CASD1: variants seen among roughly 807,000 people sequenced by gnomAD.
CASD1 encodes the protein N-acetylneuraminate (7)9-O-acetyltransferase.
In CASD1, 41 loss-of-function variants were observed where a neutral mutation model predicts 100.0. The ratio of observed to expected loss-of-function variants is 0.41; its 90% CI spans 0.32 to 0.53. The LOEUF (loss-of-function observed/expected upper bound fraction) is 0.53. CASD1 is among the 20% of genes least tolerant of loss of function. The pLI is 0.25. For missense variants in CASD1, 774 were observed against 948.7 expected (o/e 0.82, Z 2.42); for synonymous variants, 321 against 315.6 (o/e 1.02, Z -0.18).
Position 94,534,616 on chromosome 7 carries a change from A to G in CASD1, c.629-693A>G, listed in dbSNP as rs1397911620. Among the ~76,000 whole-genome samples, 74 of 152,180 alleles carry G rather than the reference A, an allele frequency of 4.9e-4. 2 individuals carry two copies. The highest frequency in any genetic ancestry group is 4.8e-3 in the Admixed American group (74 of 15,272). On this transcript the variant is annotated intron_variant, in intron 7 of 17. Coordinates refer to ENST00000297273, the MANE Select transcript of CASD1 (RefSeq NM_022900.5). ...CATTTTAGGAATTTATTGAATGTCC[A>G]TTATTTAATGCCTAGCACAATATGA...
Position 94,510,713 on chromosome 7 carries a change from C to T in CASD1, c.133+496C>T, listed in dbSNP as rs533795681. Among the ~76,000 whole-genome samples the T allele has an allele frequency of 1.0e-4, 16 of 152,384 alleles. No homozygotes were observed. In the South Asian group the frequency reaches 1.2e-3, roughly 12 times the overall value. Reference sequence around the variant, plus strand: ...GCCTTTGTTTAATTTTGCCTCTGCCCTGTAACACCCAGTCTGGGCTGTTGG... The same window carrying T: ...GCCTTTGTTTAATTTTGCCTCTGCCTTGTAACACCCAGTCTGGGCTGTTGG... On this transcript the variant is annotated intron_variant, in intron 1 of 17. Coordinates refer to ENST00000297273, the MANE Select transcript of CASD1 (RefSeq NM_022900.5).
chr7:94,551,394 A>G lies in CASD1; in HGVS notation c.1872A>G (p.Gln624=), dbSNP rs751341375. The G allele has an allele frequency of 1.1e-5, 17 of 1,561,366 alleles. No individual in the cohort carries two copies. The South Asian group carries it at 2.0e-4, about 18-fold the overall frequency. The change falls in exon 15 of 18, where the codon CAA becomes CAG. Residue 624 remains glutamine, a synonymous_variant. Coordinates refer to ENST00000297273, the MANE Select transcript of CASD1 (RefSeq NM_022900.5). ...TTTATCTGGCTTTGCAGAAGCGTCA[A>G]ATACTTTCTGAAGGAAAGGGTGAAC... ...AFIYLALQKR[Q]ILSEGKGEPL... is the part of the protein sequence containing the mutation.
chr7:94,603,540 T>C, the CASD1 span: 8 of 1,286,494 alleles, frequency 6.2e-6, no homozygotes, highest in East Asian at 1.7e-4. Context: ...ATTTAGCCTT[T>C]TGAATTGAGA....
intron 3 of CASD1, among the ~76,000 whole-genome samples, chr7:94,522,688 C>CGT (rs1562934634): frequency 9.3e-5 from 14 of 150,670 alleles, no homozygotes; most frequent in African/African-American, 3.4e-4. Context: ...ACGGAGTTCT[C>CGT]GCTCTGTTGC....
the CASD1 span, among the ~76,000 whole-genome samples, chr7:94,615,978 AAAATGAATCTTTTCAG>A: frequency 6.6e-6 from 1 of 152,236 alleles, no homozygotes; most frequent in South Asian, 2.1e-4. Context: ...CTGGCAAGTG[AAAATGAATCTTTTCAG>A]AGGGCTCAGC....
the CASD1 span, among the ~76,000 whole-genome samples, chr7:94,592,739 A>G: frequency 2.6e-5 from 4 of 152,114 alleles, no homozygotes; most frequent in Non-Finnish European, 5.9e-5. Flanking sequence ...TGGATACCCT[A>G]TACCGTAATT....
chr7:94,614,308 G>A, the CASD1 span, among the ~76,000 whole-genome samples: 2 of 151,922 alleles, frequency 1.3e-5, no homozygotes, highest in East Asian at 1.9e-4. Flanking sequence ...TAAAATCCCA[G>A]CACCTATATC....
the CASD1 span, among the ~76,000 whole-genome samples, chr7:94,583,888 A>G: frequency 6.6e-6 from 1 of 152,176 alleles, no homozygotes; most frequent in Non-Finnish European, 1.5e-5. Flanking sequence ...AAAACCCTTA[A>G]TAGTCCTTAA....
chr7:94,585,953 A>G, the CASD1 span, among the ~76,000 whole-genome samples: 1 of 151,730 alleles, frequency 6.6e-6, no homozygotes, highest in Non-Finnish European at 1.5e-5. Context: ...GTCAGCTTTT[A>G]ACTGCTCTAT....
chr7:94,586,350 C>T, the CASD1 span, among the ~76,000 whole-genome samples: 4 of 152,124 alleles, frequency 2.6e-5, no homozygotes, highest in Admixed American at 2.0e-4. Context: ...AATATATAAA[C>T]AGCACTAAAT....
At chr7:94,538,943 A>G in intron 9 of CASD1, 24 bp from the exon 10 acceptor site, 1 of 1,271,720 alleles carries the variant, frequency 7.9e-7, no homozygotes, top group Non-Finnish European at 1.1e-6. Flanking sequence ...AAATTTTAAA[A>G]CAGATTTTGG....
chr7:94,564,863 A>G, the CASD1 span, among the ~76,000 whole-genome samples: 104 of 152,124 alleles, frequency 6.8e-4, no homozygotes, highest in Non-Finnish European at 1.2e-3. Flanking sequence ...GCAGTACTCT[A>G]TATCTTTGTC....
At chr7:94,551,248 T>C in intron 14 of CASD1, 90 bp from the exon 15 acceptor site, 1 of 1,050,334 alleles carries the variant, frequency 9.5e-7, no homozygotes, top group Non-Finnish European at 1.3e-6. Flanking sequence ...ACCTACCTAC[T>C]TTTATTCATA....
chr7:94,630,039 TTTTGA>T, the CASD1 span: 4 of 571,690 alleles, frequency 7.0e-6, no homozygotes, highest in Non-Finnish European at 1.2e-5. Context: ...GAAAAAATTC[TTTTGA>T]TTTGTGTTTA....
At chr7:94,612,792 C>T in the CASD1 span, among the ~76,000 whole-genome samples, 2 of 152,092 alleles carry the variant, frequency 1.3e-5, no homozygotes, top group African/African-American at 2.4e-5. Context: ...TCCACCTGTT[C>T]CTCCTTCTAT....
intron 13 of CASD1, among the ~76,000 whole-genome samples, chr7:94,548,059 A>G: frequency 6.6e-6 from 1 of 151,888 alleles, no homozygotes; most frequent in East Asian, 1.9e-4. Flanking sequence ...GGAAACAACT[A>G]AGAAATGTAT....
chr7:94,570,283 C>T, the CASD1 span, among the ~76,000 whole-genome samples: 5 of 151,414 alleles, frequency 3.3e-5, no homozygotes, highest in Admixed American at 3.3e-4. Flanking sequence ...GGTTTTGATT[C>T]CCTTCTCACT....
chr7:94,618,783 G>A, the CASD1 span: 5 of 1,614,022 alleles, frequency 3.1e-6, no homozygotes, highest in Non-Finnish European at 4.2e-6. Flanking sequence ...TTAATGGGAA[G>A]TGGCACCCTG....
the CASD1 span, chr7:94,588,553 AGT>A: frequency 6.6e-7 from 1 of 1,508,200 alleles, no homozygotes; most frequent in Non-Finnish European, 8.8e-7. Flanking sequence ...TGAGGTTTTA[AGT>A]CTGATTAAGG....
Sources: allele counts gnomAD v4.1 joint callset (sites outside exome capture counted in the v4.1 genomes callset), GRCh38; gene constraint gnomAD v4.1.1; transcripts MANE v1.5; gene names NCBI Gene and HGNC (gene_info 2026-07-23, HGNC 2026-07-21).